Variants in SPMIP8 observed in about 807,000 individuals in gnomAD.
SPMIP8 encodes the protein sperm microtubule inner protein 8.
the SPMIP8 span, among the ~76,000 whole-genome samples, chr16:57,982,118 C>T: frequency 6.6e-6 from 1 of 152,174 alleles, no homozygotes; most frequent in Admixed American, 6.5e-5. Context: ...TTCTCTCGCC[C>T]TCTCTCTTAC....
chr16:57,978,655 G>A, the SPMIP8 span, among the ~76,000 whole-genome samples: 2 of 151,868 alleles, frequency 1.3e-5, no homozygotes, highest in Non-Finnish European at 2.9e-5. Context: ...TTACTCTGTC[G>A]CCCAGGCTGG....
chr16:57,977,301 T>C, the SPMIP8 span, among the ~76,000 whole-genome samples: 4 of 149,126 alleles, frequency 2.7e-5, no homozygotes, highest in East Asian at 7.9e-4. Flanking sequence ...TCCCAGTTCC[T>C]CAGGAGGCTG....
the SPMIP8 span, chr16:57,985,564 C>A: frequency 6.3e-7 from 1 of 1,579,882 alleles, no homozygotes. Context: ...ACGCCACGCG[C>A]CCGGGGACCC....
the SPMIP8 span, chr16:57,986,099 G>C: frequency 1.1e-6 from 1 of 878,414 alleles, no homozygotes; most frequent in African/African-American, 1.8e-5. Flanking sequence ...CTTCGCTCTG[G>C]AGAGATCCGC....
the SPMIP8 span, among the ~76,000 whole-genome samples, chr16:57,982,200 C>G: frequency 6.6e-6 from 1 of 152,178 alleles, no homozygotes; most frequent in Admixed American, 6.5e-5. Flanking sequence ...ATACCATTAT[C>G]ACACCTAGGA....
chr16:57,985,133 G>A, the SPMIP8 span: 11 of 1,394,856 alleles, frequency 7.9e-6, no homozygotes, highest in Non-Finnish European at 1.0e-5. Flanking sequence ...TTGTGGGCGG[G>A]GCTTAGATGA....
At chr16:57,983,423 G>A in the SPMIP8 span, among the ~76,000 whole-genome samples, 440 of 152,070 alleles carry the variant, frequency 2.9e-3, 5 homozygotes, top group African/African-American at 0.01. Context: ...TTATTTTTAT[G>A]TATTTAACTT....
chr16:57,981,501 CTTTTTTTTT>C, the SPMIP8 span, among the ~76,000 whole-genome samples: 96 of 68,966 alleles, frequency 1.4e-3, no homozygotes, highest in African/African-American at 3.9e-3. Flanking sequence ...CTCTCTTTCT[CTTTTTTTTT>C]TTTTTTTTTT....
At chr16:57,980,868 T>G in the SPMIP8 span, among the ~76,000 whole-genome samples, 1 of 152,062 alleles carries the variant, frequency 6.6e-6, no homozygotes, top group Non-Finnish European at 1.5e-5. Flanking sequence ...CTATTTTTGT[T>G]GCTGTTGTTG....
At chr16:57,977,865 G>A in the SPMIP8 span, 1 of 1,614,156 alleles carries the variant, frequency 6.2e-7, no homozygotes, top group African/African-American at 1.3e-5. Context: ...CTCCACACAT[G>A]TGTATGCCTC....
At chr16:57,984,913 A>G in the SPMIP8 span, 1 of 1,420,768 alleles carries the variant, frequency 7.0e-7, no homozygotes, top group African/African-American at 1.4e-5. Flanking sequence ...GGCCAGGCAG[A>G]AACAGGGCGG....
the SPMIP8 span, chr16:57,977,799 A>G: frequency 6.2e-7 from 1 of 1,606,508 alleles, no homozygotes; most frequent in African/African-American, 1.3e-5. Flanking sequence ...GCCCCTTAGA[A>G]CCCTCTGCCC....
chr16:57,985,684 A>C, the SPMIP8 span: 1 of 1,282,364 alleles, frequency 7.8e-7, no homozygotes, highest in Non-Finnish European at 1.1e-6. Flanking sequence ...CCAGAAACAA[A>C]TTGCAATTTC....
chr16:57,978,095 G>A, the SPMIP8 span: 1 of 1,542,168 alleles, frequency 6.5e-7, no homozygotes, highest in African/African-American at 1.4e-5. Flanking sequence ...TTTCAGGAAA[G>A]AGGGAGACAG....
At chr16:57,985,345 G>A in the SPMIP8 span, 203 of 1,566,598 alleles carry the variant, frequency 1.3e-4, no homozygotes, top group Non-Finnish European at 1.7e-4. Flanking sequence ...GCCGGGGGTT[G>A]AGGGGGGAGG....
At chr16:57,981,395 T>TATTATTATTATAATAATA in the SPMIP8 span, among the ~76,000 whole-genome samples, 2 of 127,800 alleles carry the variant, frequency 1.6e-5, no homozygotes, top group East Asian at 4.1e-4. Context: ...TAATAATAAT[T>TATTATTATTATAATAATA]ATTATTATTA....
the SPMIP8 span, chr16:57,986,752 C>T: frequency 6.6e-6 from 1 of 152,200 alleles, no homozygotes; most frequent in Admixed American, 6.5e-5. Flanking sequence ...CATGACCAAG[C>T]TTGGCTAATT....
chr16:57,983,293 T>C, the SPMIP8 span, among the ~76,000 whole-genome samples: 1 of 152,272 alleles, frequency 6.6e-6, no homozygotes, highest in East Asian at 1.9e-4. Context: ...TTTTTTGTTT[T>C]GCTTGATTTC....
chr16:57,986,119 A>G, the SPMIP8 span: 1 of 695,658 alleles, frequency 1.4e-6, no homozygotes, highest in South Asian at 2.7e-5. Flanking sequence ...CCCCTGGCAA[A>G]TGTGCAGCCC....
Sources: allele counts gnomAD v4.1 joint callset (sites outside exome capture counted in the v4.1 genomes callset), GRCh38; gene constraint gnomAD v4.1.1; transcripts MANE v1.5; gene names NCBI Gene and HGNC (gene_info 2026-07-23, HGNC 2026-07-21).